FMR1: variants seen among roughly 807,000 people sequenced by gnomAD.
FMR1 encodes fragile X messenger ribonucleoprotein 1, also known as FMRP translational regulator 1.
Under a neutral mutation model 50.6 loss-of-function variants are expected in FMR1, and 13 were observed. That is an observed-to-expected ratio of 0.26 (90% CI 0.17 to 0.41). FMR1 has a LOEUF of 0.41. Ranked by LOEUF, FMR1 falls within the 10% of genes least tolerant of loss-of-function variation. The pLI, the probability that FMR1 is intolerant of heterozygous loss-of-function variation, is 1.00. For missense variants in FMR1, 316 were observed against 491.3 expected (o/e 0.64, Z 3.37); for synonymous variants, 138 against 164.1 (o/e 0.84, Z 1.22).
chrX:147,944,855 T>C lies in FMR1; in HGVS notation c.1472-14T>C. On this transcript the variant is annotated splice_polypyrimidine_tract_variant and intron_variant, in intron 14 of 16. Coordinates refer to ENST00000370475, the MANE Select transcript of FMR1 (RefSeq NM_002024.6). ...AAAGTCAGACAATGGTATATAACTTTTAACTCTCGATAGGAACTAATTCTG... is the reference window on the plus strand; with the variant it reads ...AAAGTCAGACAATGGTATATAACTTCTAACTCTCGATAGGAACTAATTCTG... 1.7e-6 allele frequency: 2 copies of C among 1,206,949 alleles called. No homozygotes were observed. The highest frequency in any genetic ancestry group is 2.2e-6 in the Non-Finnish European group (2 of 893,802).
rs200458654 is a variant in FMR1 at position 147,930,466 on chromosome X, A to G, written c.630+222A>G. ...TTATGTATATTAAGGGACTTCTGGTACTTTCACTTTTACTAGAAGTTTATC... is the reference window on the plus strand; with the variant it reads ...TTATGTATATTAAGGGACTTCTGGTGCTTTCACTTTTACTAGAAGTTTATC... On this transcript the variant is annotated intron_variant, in intron 7 of 16. Coordinates refer to ENST00000370475, the MANE Select transcript of FMR1 (RefSeq NM_002024.6). Among the ~76,000 whole-genome samples the G allele has an allele frequency of 3.6e-5, 4 of 112,222 alleles. No individual in the cohort carries two copies. In the East Asian group the frequency reaches 8.4e-4, roughly 24 times the overall value.
intron 16 of FMR1, among the ~76,000 whole-genome samples, chrX:147,946,024 C>T (rs1266877475): frequency 8.9e-6 from 1 of 111,751 alleles, no homozygotes; most frequent in East Asian, 2.8e-4. Context: ...TTACAGGCAT[C>T]CACTACCATG....
rs1557183197 is a variant in FMR1, at chrX:147,949,983, A to C, written c.*1139A>C. The C allele has an allele frequency of 3.2e-6, 1 of 317,092 alleles. No homozygotes were observed. The highest frequency in any genetic ancestry group is 2.9e-5 in the South Asian group (1 of 34,865). 26.1% of individuals were successfully genotyped at this position (317,092 alleles called of 1,213,427 possible). ...GAAATATATGGTCTAATGTTTAAGC[A>C]GAATTGGAAAAGACTAAGATCGGTT... On this transcript the variant is annotated 3_prime_UTR_variant, in exon 17 of 17. Transcript: ENST00000370475.
At chrX:147,944,306 G>A (rs2044102006) in intron 14 of FMR1, 2 of 753,209 alleles carry the variant, frequency 2.7e-6, no homozygotes, top group Non-Finnish European at 3.1e-6. Context: ...TGGGAGGGCA[G>A]GTTGTGGACC....
intron 14 of FMR1, chrX:147,943,986 G>T: frequency 2.7e-5 from 4 of 146,237 alleles, no homozygotes; most frequent in Non-Finnish European, 4.8e-5. Context: ...TCTTTAAGAT[G>T]GAAAAGCCTT....
chrX:147,939,730 C>G (rs1210329983), intron 12 of FMR1, among the ~76,000 whole-genome samples: 3 of 38,427 alleles, frequency 7.8e-5, no homozygotes, highest in Admixed American at 3.8e-4. Context: ...AACCCCGTCT[C>G]TACAGAAAGT....
chrX:147,934,595 A>C (rs2043724804), intron 9 of FMR1, among the ~76,000 whole-genome samples: 1 of 111,797 alleles, frequency 8.9e-6, no homozygotes, highest in African/African-American at 3.3e-5. Flanking sequence ...GTAGAATTGG[A>C]TTATTTGCTA....
intron 3 of FMR1, chrX:147,927,592 A>G (rs2043435780): frequency 9.1e-6 from 1 of 109,714 alleles, no homozygotes; most frequent in Non-Finnish European, 1.9e-5. Flanking sequence ...GTCCATATAT[A>G]CTCTGTTGTC....
At chrX:147,937,260 T>C (rs1557179791) in intron 10 of FMR1, among the ~76,000 whole-genome samples, 1 of 112,073 alleles carries the variant, frequency 8.9e-6, no homozygotes, top group Non-Finnish European at 1.9e-5. Flanking sequence ...TCACATATTG[T>C]CTAGCTTTCT....
chrX:147,924,501 C>A (rs201488598), intron 2 of FMR1, among the ~76,000 whole-genome samples: 120 of 41,376 alleles, frequency 2.9e-3, no homozygotes, highest in Non-Finnish European at 2.8e-3. Flanking sequence ...GTGTGTGTGT[C>A]TATATATATA....
rs1004632908 is a variant in FMR1 at position 147,949,738 on chromosome X, G to A, written c.*894G>A. ...AACAAATCTTCCTGGTCGAAAGTTA[G>A]TAGGATATGCCTGCTCTTTGGCCTG... On this transcript the variant is annotated 3_prime_UTR_variant, in exon 17 of 17. Transcript: ENST00000370475. 9.8e-5 allele frequency: 32 copies of A among 326,933 alleles called. No homozygotes were observed. The highest frequency in any genetic ancestry group is 8.8e-4 in the Admixed American group (28 of 31,894). 26.9% of individuals were successfully genotyped at this position (326,933 alleles called of 1,213,427 possible).
At chrX:147,937,982 G>T in intron 11 of FMR1, 117 bp from the exon 12 acceptor site, 2 of 599,628 alleles carry the variant, frequency 3.3e-6, no homozygotes, top group South Asian at 4.5e-5. Context: ...TTCTCTGTTT[G>T]AACTAATCTG....
chrX:147,944,782 C>A, intron 14 of FMR1, 87 bp from the exon 15 acceptor site: 1 of 1,146,216 alleles, frequency 8.7e-7, no homozygotes, highest in Non-Finnish European at 1.2e-6. Context: ...TTGGATTACC[C>A]CTGAAACGTC....
Position 147,925,643 on chromosome X carries a change from C to A in FMR1, c.198+10C>A. 1 of 1,092,932 alleles carries A rather than the reference C, an allele frequency of 9.1e-7. No homozygotes were observed. The highest frequency in any genetic ancestry group is 1.3e-6 in the Non-Finnish European group (1 of 787,503). The allele number at this position is 1,092,932 out of a possible 1,213,427, so 90.1% of individuals were successfully genotyped here. On this transcript the variant is annotated intron_variant, in intron 3 of 16. Coordinates refer to ENST00000370475, the MANE Select transcript of FMR1 (RefSeq NM_002024.6). ...AAGTGATGAAGTTGAGGTGAGTTTT[C>A]CCTGCCATAAAGTCATTTAGCACTG...
rs567662098 is a variant in FMR1, at chrX:147,940,251, A to G, written c.1189-325A>G. On this transcript the variant is annotated intron_variant, in intron 12 of 16. Coordinates refer to ENST00000370475, the MANE Select transcript of FMR1 (RefSeq NM_002024.6). ...TTTCATAAATGAATTAGAGCATCTT[A>G]TACTACTCATTTTGTTTATACATCT... is the stretch of plus-strand genomic sequence containing the variant. The G allele has an allele frequency of 6.4e-3, 1,570 of 244,791 alleles. 36 individuals carry two copies. In the South Asian group the frequency reaches 0.083, roughly 13 times the overall value. The allele number at this position is 244,791 out of a possible 1,213,427, so 20.2% of individuals were successfully genotyped here.
rs144476467 is a variant in FMR1, at chrX:147,928,880, T to G, written c.419+73T>G. 6.7e-3 allele frequency: 6,958 copies of G among 1,045,424 alleles called. 27 individuals carry two copies. Among genetic ancestry groups the G allele is most frequent in the Middle Eastern group, 0.027 (107 of 3,915 alleles). The allele number at this position is 1,045,424 out of a possible 1,213,427, so 86.2% of individuals were successfully genotyped here. A position where few individuals can be genotyped will look rare whatever the true frequency, so the allele number is the denominator to read the frequency against. ...TTAGTTTAGAAGAATTTCTAGTAGT[T>G]TAAAATTTTTTAAACTACTAGAAAT... On this transcript the variant is annotated intron_variant, in intron 5 of 16. Coordinates refer to ENST00000370475, the MANE Select transcript of FMR1 (RefSeq NM_002024.6).
At chrX:147,923,543 A>G (rs1557176877) in intron 2 of FMR1, among the ~76,000 whole-genome samples, 1 of 111,095 alleles carries the variant, frequency 9.0e-6, no homozygotes, top group African/African-American at 3.3e-5. Context: ...TTAAGCAAAC[A>G]CTCATTTCCT....
Sources: allele counts gnomAD v4.1 joint callset (sites outside exome capture counted in the v4.1 genomes callset), GRCh38; gene constraint gnomAD v4.1.1; transcripts MANE v1.5; gene names NCBI Gene and HGNC (gene_info 2026-07-23, HGNC 2026-07-21).